MCUR1: variants seen among roughly 807,000 people sequenced by gnomAD.
The protein encoded by MCUR1 is mitochondrial calcium uniporter regulator 1.
Under a neutral mutation model 42.0 loss-of-function variants are expected in MCUR1, and 37 were observed. The observed-to-expected ratio is 0.88, with a 90% CI of 0.68 to 1.16. The LOEUF is 1.16. Ranked by LOEUF, MCUR1 falls within the 50% of genes most tolerant of loss-of-function variation. The probability of loss-of-function intolerance (pLI) is 0.00; values close to 1 mark genes in which losing one functional copy is unlikely to be tolerated. For missense variants in MCUR1, 469 were observed against 468.4 expected, an observed-to-expected ratio of 1.00 and a Z score of -0.01; for synonymous variants, 229 against 196.2, an observed-to-expected ratio of 1.17 and a Z score of -1.40.
In MCUR1 at chr6:13,801,354, C is replaced by G. The variant is rs141962734; in HGVS notation, c.675G>C (p.Ala225=). 4.3e-6 allele frequency: 7 copies of G among 1,612,506 alleles called. No homozygotes were observed. The highest frequency in any genetic ancestry group is 5.9e-6 in the Non-Finnish European group (7 of 1,179,770). ...AAATAATCATATCCTTTTTCACATT[C>G]GCAATCTGAGACATTACTTGCTGAA... The part of the protein sequence containing the change: ...ITFQQVMSQI[A]NVKKDMIILE... Residue 225 remains alanine (A), a synonymous_variant, in exon 4 of 9, where the codon GCG becomes GCC. Transcript: ENST00000379170.
At chr6:13,798,959 T>G (rs1759923416) in intron 5 of MCUR1, 55 bp from the exon 6 acceptor site, 1 of 1,083,104 alleles carries the variant, frequency 9.2e-7, no homozygotes, top group African/African-American at 1.6e-5. Context: ...AAACCCAAAC[T>G]CTATGAGGAC....
rs1192034938 is a variant in MCUR1, at chr6:13,787,278, G to A, written c.*3531C>T. The A allele has an allele frequency of 1.3e-5, 2 of 152,180 alleles. No individual in the cohort carries two copies. Among genetic ancestry groups the A allele is most frequent in the Non-Finnish European group, 2.9e-5 (2 of 68,036 alleles). 9.4% of individuals were successfully genotyped at this position (152,180 alleles called of 1,614,324 possible). A position where few individuals can be genotyped will look rare whatever the true frequency, so the allele number is the denominator to read the frequency against. On this transcript the variant is annotated 3_prime_UTR_variant, in exon 9 of 9. Transcript: ENST00000379170. ...ATGTTTGTTGCGGCTCAGGGTTTCT[G>A]TTTTTCAAGTGTTCAGAGACGAATT...
At chr6:13,807,573 T>C (rs939100714) in intron 1 of MCUR1, among the ~76,000 whole-genome samples, 2 of 152,246 alleles carry the variant, frequency 1.3e-5, no homozygotes, top group African/African-American at 4.8e-5. Context: ...TGAAGGATGC[T>C]TGAGCTGTTT....
intron 2 of MCUR1, chr6:13,804,182 G>A (rs926238473): frequency 4.2e-6 from 1 of 240,232 alleles, no homozygotes; most frequent in Non-Finnish European, 8.7e-6. Flanking sequence ...AATTATCCAG[G>A]TGTGGTGGTG....
intron 6 of MCUR1, 93 bp downstream of exon 6, chr6:13,798,738 CAG>C: frequency 2.5e-6 from 2 of 806,508 alleles, no homozygotes; most frequent in Non-Finnish European, 3.9e-6. Flanking sequence ...AAATATTTAA[CAG>C]TACCTATGAC....
chr6:13,800,360 T>C lies in MCUR1; in HGVS notation c.764A>G (p.Gln255Arg). 1.3e-6 allele frequency: 2 copies of C among 1,576,440 alleles called. No individual in the cohort carries two copies. Among genetic ancestry groups the C allele is most frequent in the Non-Finnish European group, 1.7e-6 (2 of 1,157,130 alleles). ...TCTTACCATTACTTGTTGTTTTAAC[T>C]GATGTAGTTCGAGTTTTATTTTCTA... ...ENEKIKLELHQLKQQVMDEVI... is the reference protein window; with the variant it reads ...ENEKIKLELHRLKQQVMDEVI... Residue 255 changes from glutamine (Q) to arginine (R), a missense_variant, in exon 5 of 9, where the codon CAG becomes CGG. By Grantham distance (43) the Gln-to-Arg change is conservative. Transcript: ENST00000379170.
chr6:13,805,634 G>A (rs985002879), intron 2 of MCUR1, among the ~76,000 whole-genome samples: 8 of 152,154 alleles, frequency 5.3e-5, no homozygotes, highest in African/African-American at 9.7e-5. Flanking sequence ...AATTCATTCC[G>A]TCACTTTGTC....
In MCUR1 at chr6:13,802,275, C is replaced by T. The variant is rs770819444; in HGVS notation, c.607G>A (p.Val203Ile). 2.7e-5 allele frequency: 44 copies of T among 1,613,742 alleles called. No individual in the cohort carries two copies. Among genetic ancestry groups the T allele is most frequent in the East Asian group, 1.8e-4 (8 of 44,886 alleles). Residue 203 changes from valine (V) to isoleucine (I), a missense_variant, in exon 3 of 9, where the codon GTC becomes ATC. Physicochemically the swap from Val to Ile is conservative, Grantham distance 29. Transcript: ENST00000379170. ...ATCTTGGTGACCATATCTTTGTAGA[C>T]GATGTCCATGTTGGCCTCCAGGATC... ...VKILEANMDI[V>I]YKDMVTKMQQ... is the part of the protein sequence containing the mutation.
At position 13,787,274 on chromosome 6, in the gene MCUR1, TTC is replaced by T. The variant is rs1394199049; in HGVS notation, c.*3533_*3534del. 3.3e-5 allele frequency: 5 copies of T among 152,152 alleles called. No individual in the cohort carries two copies. Among genetic ancestry groups the T allele is most frequent in the African/African-American group, 2.4e-5 (1 of 41,436 alleles). The allele number at this position is 152,152 out of a possible 1,614,324, so 9.4% of individuals were successfully genotyped here. A position where few individuals can be genotyped will look rare whatever the true frequency, so the allele number is the denominator to read the frequency against. ...AGGCATGTTTGTTGCGGCTCAGGGT[TTC>T]TGTTTTTCAAGTGTTCAGAGACGAA... On this transcript the variant is annotated 3_prime_UTR_variant, in exon 9 of 9. Coordinates refer to ENST00000379170, the MANE Select transcript of MCUR1 (RefSeq NM_001031713.4).
chr6:13,806,793 T>C, intron 2 of MCUR1, 132 bp downstream of exon 2: 1 of 1,138,950 alleles, frequency 8.8e-7, no homozygotes, highest in Non-Finnish European at 1.2e-6. Flanking sequence ...TGTCTCTAAA[T>C]AAATTAATTA....
chr6:13,793,675 T>C (rs1346351799), intron 7 of MCUR1, among the ~76,000 whole-genome samples: 1 of 152,220 alleles, frequency 6.6e-6, no homozygotes, highest in Non-Finnish European at 1.5e-5. Context: ...GTGGCGATGG[T>C]TGCCCCAAAA....
chr6:13,800,370 C>T lies in MCUR1; in HGVS notation c.754G>A (p.Glu252Lys), dbSNP rs556879787. ...ACTTGTTGTTTTAACTGATGTAGTTCGAGTTTTATTTTCTAAAAACACATA... is the reference window on the plus strand; with the variant it reads ...ACTTGTTGTTTTAACTGATGTAGTTTGAGTTTTATTTTCTAAAAACACATA... Reference protein sequence around the residue: ...LRAENEKIKLELHQLKQQVMD... With the variant: ...LRAENEKIKLKLHQLKQQVMD... Residue 252 changes from glutamate to lysine, a missense_variant, in exon 5 of 9, where the codon GAA becomes AAA. Glu to Lys is a moderately conservative substitution (Grantham distance 56). Transcript: ENST00000379170. The T allele has an allele frequency of 5.6e-5, 87 of 1,558,510 alleles. 1 individual carries two copies. In the South Asian group the frequency reaches 7.9e-4, roughly 14 times the overall value.
chr6:13,804,788 T>A (rs1167560924), intron 2 of MCUR1, among the ~76,000 whole-genome samples: 2 of 72,742 alleles, frequency 2.7e-5, no homozygotes, highest in African/African-American at 1.7e-4. Context: ...AGACTCTGTC[T>A]CCAAAAAAAA....
At chr6:13,801,689 A>G (rs1348886471) in intron 3 of MCUR1, among the ~76,000 whole-genome samples, 1 of 152,148 alleles carries the variant, frequency 6.6e-6, no homozygotes, top group Non-Finnish European at 1.5e-5. Context: ...ATCTCTACCA[A>G]AAGTACAAAA....
chr6:13,802,781 ATTTC>A (rs1584987215), intron 2 of MCUR1, among the ~76,000 whole-genome samples: 3 of 152,218 alleles, frequency 2.0e-5, no homozygotes, highest in East Asian at 1.9e-4. Flanking sequence ...GGTGGACAAT[ATTTC>A]TTTAATTTTA....
chr6:13,803,916 G>A, intron 2 of MCUR1: 1 of 970,954 alleles, frequency 1.0e-6, no homozygotes, highest in Non-Finnish European at 1.2e-6. Flanking sequence ...GAGGATCTTT[G>A]AGCCCAGGAG....
rs1268801021 is a variant in MCUR1 at position 13,814,005 on chromosome 6, C to A, written c.415+10G>T. 2 of 1,231,760 alleles carry A rather than the reference C, an allele frequency of 1.6e-6. No individual in the cohort carries two copies. The highest frequency in any genetic ancestry group is 8.2e-5 in the South Asian group (2 of 24,306). The allele number at this position is 1,231,760 out of a possible 1,614,324, so 76.3% of individuals were successfully genotyped here. ...GACGAGCCCCCTCTCCTCTCCCGCCCGGGCCTCACCTCTCCTGCAGGAAAC... is the reference window on the plus strand; with the variant it reads ...GACGAGCCCCCTCTCCTCTCCCGCCAGGGCCTCACCTCTCCTGCAGGAAAC... On this transcript the variant is annotated intron_variant, in intron 1 of 8. Transcript: ENST00000379170.
intron 7 of MCUR1, 111 bp from the exon 8 acceptor site, chr6:13,792,103 A>G (rs1169484339): frequency 9.3e-6 from 7 of 756,730 alleles, no homozygotes; most frequent in Non-Finnish European, 1.6e-5. Flanking sequence ...GGGTAAGACT[A>G]TGGAGGCCTG....
At chr6:13,804,526 G>A (rs1760072420) in intron 2 of MCUR1, among the ~76,000 whole-genome samples, 1 of 151,810 alleles carries the variant, frequency 6.6e-6, no homozygotes, top group Non-Finnish European at 1.5e-5. Flanking sequence ...TGTAATCCCA[G>A]CACTTTGGGA....
Sources: allele counts gnomAD v4.1 joint callset (sites outside exome capture counted in the v4.1 genomes callset), GRCh38; gene constraint gnomAD v4.1.1; transcripts MANE v1.5; gene names NCBI Gene and HGNC (gene_info 2026-07-23, HGNC 2026-07-21).